Variants in GRM7 observed in about 807,000 individuals in gnomAD.
The protein encoded by GRM7 is metabotropic glutamate receptor 7.
In GRM7, 35 loss-of-function variants were observed where a neutral mutation model predicts 84.5. The observed-to-expected ratio is 0.41, with a 90% CI of 0.32 to 0.55. The LOEUF is 0.55. Among genes scored for constraint, GRM7 ranks in the 20% least tolerant of loss-of-function variants. GRM7 has a pLI of 0.19. For synonymous variants in GRM7, 487 were observed against 455.1 expected, an observed-to-expected ratio of 1.07 and a Z score of -0.89; for missense variants, 1,003 against 1,194.6, an observed-to-expected ratio of 0.84 and a Z score of 2.36.
intron 1 of GRM7, among the ~76,000 whole-genome samples, chr3:7,055,266 A>G (rs113119206): frequency 0.016 from 2,443 of 151,516 alleles, 39 homozygotes; most frequent in African/African-American, 0.043. Flanking sequence ...TAAATCAGCT[A>G]TTTTTCAAGA....
chr3:7,453,051 A>AT (rs1697843985), intron 6 of GRM7, among the ~76,000 whole-genome samples: 4 of 140,568 alleles, frequency 2.8e-5, no homozygotes, highest in Non-Finnish European at 6.1e-5. Context: ...TTTTTGCACT[A>AT]TGCCAAATTC....
chr3:7,459,604 C>G (rs1051572323), intron 6 of GRM7, among the ~76,000 whole-genome samples: 2 of 152,022 alleles, frequency 1.3e-5, no homozygotes, highest in Non-Finnish European at 2.9e-5. Flanking sequence ...AGGGGAAACC[C>G]CTTTTAAAGA....
chr3:7,283,117 A>G (rs535665082), intron 2 of GRM7, among the ~76,000 whole-genome samples: 1 of 152,148 alleles, frequency 6.6e-6, no homozygotes, highest in Admixed American at 6.5e-5. Flanking sequence ...TCTCTCTAAC[A>G]TTAGTTTCGA....
chr3:6,898,833 A>G (rs1696283929), intron 1 of GRM7, among the ~76,000 whole-genome samples: 1 of 151,954 alleles, frequency 6.6e-6, no homozygotes, highest in Non-Finnish European at 1.5e-5. Context: ...AACAAAAAAA[A>G]AAAATGAAGA....
At chr3:7,035,152 G>A (rs565362359) in intron 1 of GRM7, among the ~76,000 whole-genome samples, 2 of 152,276 alleles carry the variant, frequency 1.3e-5, no homozygotes, top group Admixed American at 1.3e-4. Context: ...GTAGGAAAGG[G>A]AGGGCTGCTT....
intron 1 of GRM7, among the ~76,000 whole-genome samples, chr3:7,069,973 T>C (rs113020335): frequency 1.1e-3 from 162 of 152,230 alleles, no homozygotes; most frequent in African/African-American, 3.6e-3. Flanking sequence ...ACCTATTTAC[T>C]ATATAGTATT....
Position 6,928,102 on chromosome 3 carries a change from T to TA in GRM7, c.519+66195_519+66196insA, listed in dbSNP as rs1697376267. On this transcript the variant is annotated intron_variant, in intron 1 of 9. Transcript: ENST00000357716. This position sits in a 1 kb window ranked among gnomAD's most constrained non-coding sequence, Gnocchi z 4.5. ...CTTTTATCTGTTTTGCTCCTTTTTTTTTTTTCTACACTGCTGAGGTAGGTA... is the reference window on the plus strand; with the variant it reads ...CTTTTATCTGTTTTGCTCCTTTTTTTATTTTTCTACACTGCTGAGGTAGGTA... 6.6e-6 allele frequency among the ~76,000 whole-genome samples: 1 copy of TA among 152,148 alleles called. No individual in the cohort carries two copies. Among genetic ancestry groups the TA allele is most frequent in the African/African-American group, 2.4e-5 (1 of 41,448 alleles).
chr3:7,315,114 A>C (rs113741056), intron 4 of GRM7, among the ~76,000 whole-genome samples: 7,497 of 152,246 alleles, frequency 0.049, 587 homozygotes, highest in African/African-American at 0.17. Context: ...ACAACAACAA[A>C]AACAAAACAA....
At chr3:7,378,539 C>T (rs1207211096) in intron 4 of GRM7, among the ~76,000 whole-genome samples, 5 of 152,124 alleles carry the variant, frequency 3.3e-5, no homozygotes, top group South Asian at 2.1e-4. Flanking sequence ...ACTACTAAGA[C>T]GGCCTCTTCT....
intron 7 of GRM7, among the ~76,000 whole-genome samples, chr3:7,480,972 A>G (rs924860286): frequency 3.9e-5 from 6 of 152,264 alleles, no homozygotes; most frequent in Admixed American, 1.3e-4. Context: ...AGAGTCCAAC[A>G]TAAGTACCTA....
At chr3:7,274,585 T>C (rs141189027) in intron 2 of GRM7, among the ~76,000 whole-genome samples, 139 of 152,212 alleles carry the variant, frequency 9.1e-4, no homozygotes, top group African/African-American at 3.1e-3. Context: ...AAATTAAGTA[T>C]TTAACTCCAT....
chr3:7,702,572 G>A (rs1701264337), intron 9 of GRM7, among the ~76,000 whole-genome samples: 1 of 152,092 alleles, frequency 6.6e-6, no homozygotes, highest in Non-Finnish European at 1.5e-5. Flanking sequence ...TTATCTAAAG[G>A]TGTTTCTGTC....
At chr3:7,183,336 A>T (rs1232799444) in intron 2 of GRM7, among the ~76,000 whole-genome samples, 1 of 152,162 alleles carries the variant, frequency 6.6e-6, no homozygotes, top group Non-Finnish European at 1.5e-5. Context: ...AGGATAGAAA[A>T]AATAATGAAG....
chr3:7,716,669 G>A (rs1701781036), intron 9 of GRM7, among the ~76,000 whole-genome samples: 1 of 152,180 alleles, frequency 6.6e-6, no homozygotes, highest in African/African-American at 2.4e-5. Context: ...CTACTCCCAT[G>A]GGTTGAATGA....
At chr3:7,077,687 G>A (rs531901644) in intron 1 of GRM7, among the ~76,000 whole-genome samples, 2 of 151,846 alleles carry the variant, frequency 1.3e-5, no homozygotes, top group Non-Finnish European at 2.9e-5. Flanking sequence ...AAACCTGCAC[G>A]TTCTGCACAT....
chr3:7,007,162 G>T (rs565664408), intron 1 of GRM7, among the ~76,000 whole-genome samples: 2 of 152,240 alleles, frequency 1.3e-5, no homozygotes, highest in African/African-American at 4.8e-5. Flanking sequence ...TGAGGCAGGG[G>T]CCCTACTCCT....
At chr3:7,393,698 G>T (rs976551690) in intron 4 of GRM7, among the ~76,000 whole-genome samples, 32 of 152,168 alleles carry the variant, frequency 2.1e-4, no homozygotes, top group African/African-American at 7.5e-4. Flanking sequence ...ATGGTTTTAT[G>T]TATGCACACA....
At chr3:7,363,761 A>G (rs961052293) in intron 4 of GRM7, among the ~76,000 whole-genome samples, 1 of 152,118 alleles carries the variant, frequency 6.6e-6, no homozygotes, top group African/African-American at 2.4e-5. Context: ...CCGGCAGTTA[A>G]CAAGAGCTCC....
At chr3:7,211,934 G>A (rs528885568) in intron 2 of GRM7, among the ~76,000 whole-genome samples, 17 of 150,664 alleles carry the variant, frequency 1.1e-4, no homozygotes, top group Admixed American at 4.6e-4. Context: ...CTCCGTGGCC[G>A]TTTTTGTCTG....
Sources: allele counts gnomAD v4.1 joint callset (sites outside exome capture counted in the v4.1 genomes callset), GRCh38; gene constraint gnomAD v4.1.1; non-coding constraint Gnocchi (gnomAD v3.1); transcripts MANE v1.5; gene names NCBI Gene and HGNC (gene_info 2026-07-23, HGNC 2026-07-21).